Variants in CAB39L observed in about 807,000 individuals in gnomAD.
CAB39L encodes calcium-binding protein 39-like.
Under a neutral mutation model 39.1 loss-of-function variants are expected in CAB39L, and 23 were observed. That is an observed-to-expected ratio of 0.59 (90% CI 0.42 to 0.83). The LOEUF (loss-of-function observed/expected upper bound fraction) is 0.83. Among genes scored for constraint, CAB39L ranks in the 40% least tolerant of loss-of-function variants. The pLI, the probability that CAB39L is intolerant of heterozygous loss-of-function variation, is 0.00. For missense variants in CAB39L, 366 were observed against 391.9 expected (o/e 0.93, Z 0.56); for synonymous variants, 126 against 137.2 (o/e 0.92, Z 0.57).
Position 49,309,974 on chromosome 13 carries a change from CA to C in CAB39L, c.*839del, listed in dbSNP as rs1289018277. 2 of 152,266 alleles carry C rather than the reference CA, an allele frequency of 1.3e-5. No homozygotes were observed. Among genetic ancestry groups the C allele is most frequent in the East Asian group, 3.8e-4 (2 of 5,200 alleles). 9.4% of individuals were successfully genotyped at this position (152,266 alleles called of 1,614,324 possible). ...TGATTCCTACTCTAAAAGACACTTA[CA>C]GCAGAAAGCATTCACCCATGACCAT... On this transcript the variant is annotated 3_prime_UTR_variant, in exon 11 of 11. Transcript: ENST00000409308.
intron 3 of CAB39L, among the ~76,000 whole-genome samples, chr13:49,416,579 G>C (rs1306750724): frequency 1.3e-5 from 2 of 152,138 alleles, no homozygotes; most frequent in African/African-American, 4.8e-5. Flanking sequence ...ACTATGTAAC[G>C]GAGTATCTAG....
intron 7 of CAB39L, among the ~76,000 whole-genome samples, chr13:49,348,710 T>A (rs1955252898): frequency 1.3e-5 from 2 of 152,134 alleles, no homozygotes; most frequent in Non-Finnish European, 2.9e-5. Context: ...CAAACAGTAT[T>A]CTCCCTCCAG....
intron 10 of CAB39L, among the ~76,000 whole-genome samples, chr13:49,311,260 G>C (rs1484495236): frequency 6.6e-6 from 1 of 152,084 alleles, no homozygotes; most frequent in South Asian, 2.1e-4. Flanking sequence ...CCATTGCCTT[G>C]TGATATCGTA....
chr13:49,423,249 C>T (rs1290326636), intron 3 of CAB39L, among the ~76,000 whole-genome samples: 1 of 152,194 alleles, frequency 6.6e-6, no homozygotes, highest in East Asian at 1.9e-4. Flanking sequence ...ATTGGCATAT[C>T]AAACAAGTCC....
At chr13:49,384,055 T>C (rs1956303328) in intron 3 of CAB39L, among the ~76,000 whole-genome samples, 1 of 152,216 alleles carries the variant, frequency 6.6e-6, no homozygotes, top group African/African-American at 2.4e-5. Context: ...ATGGAAGATT[T>C]CTCTATAGCA....
At chr13:49,373,295 C>T (rs1955969888) in intron 5 of CAB39L, among the ~76,000 whole-genome samples, 1 of 152,148 alleles carries the variant, frequency 6.6e-6, no homozygotes, top group South Asian at 2.1e-4. Context: ...CTTTTCCTTA[C>T]AGACATTGCC....
chr13:49,430,975 G>C (rs1189111329), intron 3 of CAB39L, among the ~76,000 whole-genome samples: 1 of 152,140 alleles, frequency 6.6e-6, no homozygotes, highest in Non-Finnish European at 1.5e-5. Context: ...TCTATTCACT[G>C]TTTCTATTTT....
chr13:49,310,960 T>C lies in CAB39L; in HGVS notation c.868A>G (p.Ile290Val). ...TGATTTTTTAACAGGATCTCCACAA[T>C]AGGCTGTGTTTTGTGAGGACTGGCC... ...FVASPHKTQP[I>V]VEILLKNQPK... Residue 290 changes from isoleucine to valine, a missense_variant, in exon 11 of 11, where the codon ATT becomes GTT. Transcript: ENST00000409308. 1.9e-6 allele frequency: 3 copies of C among 1,614,006 alleles called. No individual in the cohort carries two copies. Among genetic ancestry groups the C allele is most frequent in the South Asian group, 2.2e-5 (2 of 91,082 alleles).
intron 3 of CAB39L, among the ~76,000 whole-genome samples, chr13:49,385,660 T>C (rs528751870): frequency 2.1e-4 from 32 of 152,280 alleles, no homozygotes; most frequent in Non-Finnish European, 4.4e-4. Context: ...AGGCCACTTA[T>C]AGGGTTATGA....
chr13:49,361,303 C>T (rs1299680383), intron 5 of CAB39L, among the ~76,000 whole-genome samples: 1 of 151,686 alleles, frequency 6.6e-6, no homozygotes, highest in Non-Finnish European at 1.5e-5. Flanking sequence ...TATGGTGAAA[C>T]CCCATCTCTA....
intron 3 of CAB39L, among the ~76,000 whole-genome samples, chr13:49,432,091 C>T (rs574932188): frequency 1.3e-5 from 2 of 151,904 alleles, no homozygotes; most frequent in East Asian, 3.9e-4. Context: ...CTTTATAGCC[C>T]CTTACTCTTT....
chr13:49,317,078 G>C (rs1705809155), intron 10 of CAB39L, among the ~76,000 whole-genome samples: 1 of 152,046 alleles, frequency 6.6e-6, no homozygotes, highest in Non-Finnish European at 1.5e-5. Flanking sequence ...TGTGTTTTCT[G>C]TTGTTTTAAG....
intron 9 of CAB39L, among the ~76,000 whole-genome samples, chr13:49,336,948 C>T (rs757525983): frequency 6.6e-6 from 1 of 152,162 alleles, no homozygotes; most frequent in Non-Finnish European, 1.5e-5. Context: ...CACTACTGGG[C>T]TTTTTTTCTA....
intron 1 of CAB39L, among the ~76,000 whole-genome samples, chr13:49,436,522 T>C (rs1957417235): frequency 6.6e-6 from 1 of 151,386 alleles, no homozygotes; most frequent in Admixed American, 6.6e-5. Flanking sequence ...CTTATGTACC[T>C]TGGAATTTAG....
chr13:49,337,999 C>G (rs555702497), intron 9 of CAB39L, among the ~76,000 whole-genome samples: 2 of 152,264 alleles, frequency 1.3e-5, no homozygotes, highest in African/African-American at 4.8e-5. Context: ...TCCCTCACAC[C>G]TCCTTCTCCA....
At chr13:49,396,194 G>A (rs1052817584) in intron 3 of CAB39L, among the ~76,000 whole-genome samples, 5 of 151,966 alleles carry the variant, frequency 3.3e-5, no homozygotes, top group African/African-American at 1.2e-4. Flanking sequence ...CAAAAGAGAT[G>A]TCTCAACATT....
chr13:49,408,499 C>G (rs1956927447), intron 3 of CAB39L, among the ~76,000 whole-genome samples: 1 of 151,984 alleles, frequency 6.6e-6, no homozygotes, highest in South Asian at 2.1e-4. Context: ...AAAAGAGAGC[C>G]AAGGACAAAA....
At chr13:49,375,661 G>A (rs144817748) in intron 5 of CAB39L, among the ~76,000 whole-genome samples, 2,014 of 152,028 alleles carry the variant, frequency 0.013, 36 homozygotes, top group African/African-American at 0.046. Context: ...TCGGGGGAGC[G>A]GGGAGGGATA....
At chr13:49,314,209 G>A (rs986676405) in intron 10 of CAB39L, among the ~76,000 whole-genome samples, 3 of 152,134 alleles carry the variant, frequency 2.0e-5, no homozygotes, top group Non-Finnish European at 2.9e-5. Flanking sequence ...GAGCTAAGGC[G>A]GCGCCGGCTC....
Sources: gnomAD v4.1 joint callset for allele counts (sites outside exome capture counted in the v4.1 genomes callset) on GRCh38, gnomAD v4.1.1 for gene constraint, MANE v1.5 for transcripts, NCBI Gene and HGNC (gene_info 2026-07-23, HGNC 2026-07-21) for gene names.